The following HACD2 variants were observed in gnomAD, a reference collection of about 807,000 sequenced individuals.
HACD2 encodes the protein very-long-chain (3R)-3-hydroxyacyl-CoA dehydratase 2.
In HACD2, 15 loss-of-function variants were observed where a neutral mutation model predicts 31.0. That is an observed-to-expected ratio of 0.48 (90% confidence interval 0.32 to 0.75). The LOEUF (loss-of-function observed/expected upper bound fraction) is 0.75, where lower values mean the gene tolerates loss of function less well. HACD2 is among the 30% of genes least tolerant of loss of function. The pLI, the probability that HACD2 is intolerant of heterozygous loss-of-function variation, is 0.03. For synonymous variants in HACD2, 115 were observed against 122.2 expected (o/e 0.94, Z 0.39); for missense variants, 283 against 313.0 (o/e 0.90, Z 0.72).
Position 123,510,535 on chromosome 3 carries a change from A to C in HACD2, c.382-7854T>G, listed in dbSNP as rs560717111. On this transcript the variant is annotated intron_variant, in intron 4 of 6. Coordinates refer to ENST00000383657, the MANE Select transcript of HACD2 (RefSeq NM_198402.5). ...AGTGCTGGGATTACAGGCGTGAGCC[A>C]CCACCGTGCCTGGCCTAGTATGTGT... Among the ~76,000 whole-genome samples the C allele has an allele frequency of 2.0e-3, 310 of 152,320 alleles. 5 individuals carry two copies. In the South Asian group the frequency reaches 0.021, roughly 10 times the overall value.
intron 3 of HACD2, among the ~76,000 whole-genome samples, chr3:123,534,435 T>C (rs1194744513): frequency 6.6e-6 from 1 of 151,970 alleles, no homozygotes; most frequent in Non-Finnish European, 1.5e-5. Context: ...ACAAATCTAG[T>C]GTGCTGCTAG....
chr3:123,502,435 C>A, intron 5 of HACD2, 125 bp downstream of exon 5: 2 of 970,520 alleles, frequency 2.1e-6, no homozygotes, highest in Middle Eastern at 3.0e-4. Flanking sequence ...AATCTACAGA[C>A]AAAATTTCTA....
intron 4 of HACD2, among the ~76,000 whole-genome samples, chr3:123,507,466 G>A (rs191893113): frequency 1.3e-5 from 2 of 152,226 alleles, no homozygotes; most frequent in Non-Finnish European, 2.9e-5. Context: ...CTACAACACA[G>A]ACAAGCCTCC....
At chr3:123,564,131 A>G (rs2056766967) in intron 3 of HACD2, among the ~76,000 whole-genome samples, 1 of 152,240 alleles carries the variant, frequency 6.6e-6, no homozygotes, top group Non-Finnish European at 1.5e-5. Context: ...GGCCGGCGGC[A>G]GCCCTGACAG....
chr3:123,576,064 T>A (rs775148469), intron 2 of HACD2, among the ~76,000 whole-genome samples: 1 of 152,206 alleles, frequency 6.6e-6, no homozygotes, highest in Non-Finnish European at 1.5e-5. Flanking sequence ...TTTTCTGTTA[T>A]AATGTTTTGT....
chr3:123,569,448 C>T lies in HACD2; in HGVS notation c.274-1668G>A, dbSNP rs10446314. Among the ~76,000 whole-genome samples, 753 of 152,306 alleles carry T rather than the reference C, an allele frequency of 4.9e-3. 3 individuals carry two copies. Among genetic ancestry groups the T allele is most frequent in the Middle Eastern group, 6.8e-3 (2 of 294 alleles). On this transcript the variant is annotated intron_variant, in intron 2 of 6. Coordinates refer to ENST00000383657, the MANE Select transcript of HACD2 (RefSeq NM_198402.5). ...CAATTACAGCTCCCTGCAACCTCAA[C>T]CTCCTTGGACTCAAGCGATCCTCCC... is the stretch of plus-strand genomic sequence containing the variant.
rs937764505 is a variant in HACD2, at chr3:123,518,665, G to A, written c.381+9721C>T. ...GCACACCAATGCAGAAGGCAAAAGA[G>A]ATTCACAATTTTCACATTCTGGGTT... On this transcript the variant is annotated intron_variant, in intron 4 of 6. Transcript: ENST00000383657. 2.0e-4 allele frequency among the ~76,000 whole-genome samples: 31 copies of A among 152,260 alleles called. No individual in the cohort carries two copies. In the East Asian group the frequency reaches 4.8e-3, roughly 24 times the overall value.
chr3:123,533,235 A>G (rs957994094), intron 3 of HACD2, among the ~76,000 whole-genome samples: 1 of 152,126 alleles, frequency 6.6e-6, no homozygotes, highest in Non-Finnish European at 1.5e-5. Context: ...TGCAGCCTCA[A>G]CCTCCTGGGT....
At chr3:123,557,094 T>A (rs547076659) in intron 3 of HACD2, among the ~76,000 whole-genome samples, 2 of 152,292 alleles carry the variant, frequency 1.3e-5, no homozygotes, top group Admixed American at 1.3e-4. Flanking sequence ...AAAACAGGGG[T>A]CCCCAGTCCC....
At chr3:123,541,528 A>G (rs1036829242) in intron 3 of HACD2, among the ~76,000 whole-genome samples, 1 of 152,190 alleles carries the variant, frequency 6.6e-6, no homozygotes, top group African/African-American at 2.4e-5. Flanking sequence ...AAAGGCATCC[A>G]TGGGAAAGAT....
intron 2 of HACD2, among the ~76,000 whole-genome samples, chr3:123,578,122 A>C (rs536991709): frequency 1.3e-5 from 2 of 152,188 alleles, no homozygotes; most frequent in Non-Finnish European, 2.9e-5. Context: ...ATGAAATCAT[A>C]CTATTTGTGA....
At chr3:123,498,428 G>T (rs562874065) in intron 6 of HACD2, among the ~76,000 whole-genome samples, 25 of 152,310 alleles carry the variant, frequency 1.6e-4, no homozygotes, top group African/African-American at 6.0e-4. Flanking sequence ...GTCCCCAACC[G>T]CCACCTGTTG....
At chr3:123,548,357 C>A (rs1450553954) in intron 3 of HACD2, among the ~76,000 whole-genome samples, 1 of 152,008 alleles carries the variant, frequency 6.6e-6, no homozygotes, top group Admixed American at 6.6e-5. Flanking sequence ...GAGCCAGGAC[C>A]CCCTGCCAAC....
At chr3:123,497,337 G>A (rs922019222) in intron 6 of HACD2, among the ~76,000 whole-genome samples, 5 of 152,198 alleles carry the variant, frequency 3.3e-5, no homozygotes, top group African/African-American at 1.2e-4. Flanking sequence ...TGCTGGGCAC[G>A]TGTGTGTGAC....
At chr3:123,523,453 C>T (rs1286321500) in intron 4 of HACD2, among the ~76,000 whole-genome samples, 3 of 152,132 alleles carry the variant, frequency 2.0e-5, no homozygotes, top group African/African-American at 4.8e-5. Context: ...TTCACAAAAA[C>T]GGCAGTATAG....
chr3:123,553,759 A>G (rs1166400831), intron 3 of HACD2, among the ~76,000 whole-genome samples: 1 of 152,142 alleles, frequency 6.6e-6, no homozygotes, highest in Non-Finnish European at 1.5e-5. Flanking sequence ...GATGCAAATG[A>G]AGAGGGTGTT....
intron 3 of HACD2, among the ~76,000 whole-genome samples, chr3:123,561,209 C>T (rs2056725756): frequency 6.6e-6 from 1 of 152,114 alleles, no homozygotes; most frequent in Non-Finnish European, 1.5e-5. Context: ...TCCTACCTGG[C>T]AACCTTTGTT....
At chr3:123,584,437 A>T (rs911439473) in intron 1 of HACD2, 2 of 158,362 alleles carry the variant, frequency 1.3e-5, no homozygotes, top group East Asian at 3.7e-4. Flanking sequence ...TTTTGAAAAC[A>T]GCCGCCCAAA....
At chr3:123,572,874 C>G (rs1287627906) in intron 2 of HACD2, among the ~76,000 whole-genome samples, 2 of 152,100 alleles carry the variant, frequency 1.3e-5, no homozygotes, top group Non-Finnish European at 2.9e-5. Context: ...CTCTGTCTTT[C>G]AATTCAAAAT....
Sources: allele counts gnomAD v4.1 joint callset (sites outside exome capture counted in the v4.1 genomes callset), GRCh38; gene constraint gnomAD v4.1.1; transcripts MANE v1.5; gene names NCBI Gene and HGNC (gene_info 2026-07-23, HGNC 2026-07-21).